CDH18: variants seen among roughly 807,000 people sequenced by gnomAD.
The protein encoded by CDH18 is cadherin 18, also known as cadherin-18.
In CDH18, 31 loss-of-function variants were observed where a neutral mutation model predicts 67.9. The ratio of observed to expected loss-of-function variants is 0.46; its 90% CI spans 0.34 to 0.62. The LOEUF (loss-of-function observed/expected upper bound fraction) is 0.62. Among genes scored for constraint, CDH18 ranks in the 20% least tolerant of loss-of-function variants. The pLI, the probability that CDH18 is intolerant of heterozygous loss-of-function variation, is 0.01. For missense variants in CDH18, 890 were observed against 975.5 expected, an observed-to-expected ratio of 0.91 and a Z score of 1.17; for synonymous variants, 362 against 347.2, an observed-to-expected ratio of 1.04 and a Z score of -0.48.
intron 7 of CDH18, among the ~76,000 whole-genome samples, chr5:19,587,657 T>TC (rs1472262029): frequency 6.6e-6 from 1 of 151,356 alleles, no homozygotes; most frequent in African/African-American, 2.4e-5. Flanking sequence ...TGTGTGTCTT[T>TC]TTTTTTTGTA....
intron 11 of CDH18, among the ~76,000 whole-genome samples, chr5:19,483,853 C>T (rs931368790): frequency 4.6e-5 from 7 of 152,124 alleles, no homozygotes; most frequent in Non-Finnish European, 5.9e-5. Flanking sequence ...TAAAGGGATG[C>T]GGACGGCCTG....
intron 1 of CDH18, among the ~76,000 whole-genome samples, chr5:20,565,722 C>T (rs538322884): frequency 4.0e-4 from 61 of 150,666 alleles, no homozygotes; most frequent in African/African-American, 1.4e-3. Flanking sequence ...TTCCAGTCTT[C>T]CTGAGCCTTT....
At chr5:19,656,007 T>G (rs1432457294) in intron 5 of CDH18, among the ~76,000 whole-genome samples, 1 of 150,384 alleles carries the variant, frequency 6.6e-6, no homozygotes, top group Admixed American at 6.6e-5. Context: ...TTTTTTTTTT[T>G]TTACTGACAG....
intron 1 of CDH18, among the ~76,000 whole-genome samples, chr5:20,372,705 C>A (rs1166060042): frequency 6.6e-6 from 1 of 152,092 alleles, no homozygotes; most frequent in Non-Finnish European, 1.5e-5. Flanking sequence ...TGATAGCAAA[C>A]ATTAGTTGAT....
rs1230772904 is a variant in CDH18, at chr5:20,281,051, GTTGT to G, written c.-579-25550_-579-25547del. On this transcript the variant is annotated intron_variant, in intron 1 of 14. Coordinates refer to the CDH18 transcript ENST00000507958. ...TATCCTTTTCCCACTTTTTGATGGGGTTGTTTGTTTTTTTCTTGTAAATCTGTTT... is the reference window on the plus strand; with the variant it reads ...TATCCTTTTCCCACTTTTTGATGGGGTTGTTTTTTTCTTGTAAATCTGTTT... 4.6e-5 allele frequency among the ~76,000 whole-genome samples: 7 copies of G among 152,246 alleles called. No individual in the cohort carries two copies. In the East Asian group the frequency reaches 5.8e-4, roughly 13 times the overall value.
At chr5:19,732,760 A>G (rs1024969454) in intron 4 of CDH18, among the ~76,000 whole-genome samples, 2 of 152,158 alleles carry the variant, frequency 1.3e-5, no homozygotes, top group Non-Finnish European at 2.9e-5. Flanking sequence ...CAGAATGATT[A>G]GTATATTTCA....
At chr5:19,972,527 A>C (rs897577727) in intron 2 of CDH18, among the ~76,000 whole-genome samples, 2 of 151,800 alleles carry the variant, frequency 1.3e-5, no homozygotes, top group Admixed American at 1.3e-4. Flanking sequence ...ATGAATGTTC[A>C]CTGCATTATT....
chr5:20,136,582 A>G (rs921089585), intron 2 of CDH18, among the ~76,000 whole-genome samples: 2 of 152,134 alleles, frequency 1.3e-5, no homozygotes, highest in African/African-American at 2.4e-5. Context: ...CATTTAGCCC[A>G]TTTACATTTA....
chr5:19,591,020 T>C (rs1020595978), intron 7 of CDH18, 37 bp downstream of exon 7: 10 of 1,339,452 alleles, frequency 7.5e-6, no homozygotes, highest in Non-Finnish European at 1.0e-5. Context: ...AAAAGATGAG[T>C]GAGTTGCCTG....
rs747088799 is a variant in CDH18, at chr5:19,559,924, A to C, written c.1253+11655T>G. On this transcript the variant is annotated intron_variant, in intron 8 of 12. Coordinates refer to ENST00000382275, the MANE Select transcript of CDH18 (RefSeq NM_004934.5). ...CCCTTTATAATAGTTGCAAAAACAA[A>C]CAAAAAAAAAACTCAGGAATATATT... 3.7e-4 allele frequency among the ~76,000 whole-genome samples: 55 copies of C among 148,176 alleles called. 1 individual carries two copies. Among genetic ancestry groups the C allele is most frequent in the Non-Finnish European group, 4.5e-4 (30 of 66,674 alleles).
intron 2 of CDH18, among the ~76,000 whole-genome samples, chr5:19,964,418 A>T (rs966469951): frequency 1.3e-5 from 2 of 149,342 alleles, no homozygotes; most frequent in African/African-American, 4.9e-5. Context: ...CTGTCTCTAC[A>T]GAAAAAAAAA....
chr5:20,209,700 A>G (rs2126368863), intron 2 of CDH18, among the ~76,000 whole-genome samples: 1 of 152,154 alleles, frequency 6.6e-6, no homozygotes, highest in African/African-American at 2.4e-5. Context: ...GATGACAATC[A>G]CTGAAATATA....
At chr5:19,726,112 G>A (rs1418242815) in intron 4 of CDH18, among the ~76,000 whole-genome samples, 3 of 152,146 alleles carry the variant, frequency 2.0e-5, no homozygotes, top group African/African-American at 4.8e-5. Flanking sequence ...TTAGCTTGGG[G>A]TGTCTATAAA....
intron 2 of CDH18, among the ~76,000 whole-genome samples, chr5:19,960,978 G>C (rs570313582): frequency 8.3e-6 from 1 of 120,114 alleles, no homozygotes; most frequent in Non-Finnish European, 2.1e-5. Flanking sequence ...GCTTTTATAA[G>C]ACTGGGAGTG....
intron 5 of CDH18, among the ~76,000 whole-genome samples, chr5:19,669,676 C>A (rs10058266): frequency 0.034 from 5,167 of 152,110 alleles, 281 homozygotes; most frequent in African/African-American, 0.12. Context: ...ATTAATAGAT[C>A]TATCTTTATA....
At chr5:19,584,750 C>A (rs1450757134) in intron 7 of CDH18, among the ~76,000 whole-genome samples, 1 of 135,322 alleles carries the variant, frequency 7.4e-6, no homozygotes. Flanking sequence ...GAGTTAGAGA[C>A]CAGCCAGGGC....
intron 5 of CDH18, among the ~76,000 whole-genome samples, chr5:19,694,898 G>T (rs1459987302): frequency 6.7e-6 from 1 of 149,608 alleles, no homozygotes; most frequent in Non-Finnish European, 1.5e-5. Context: ...GATAAGGTTA[G>T]ATGGCTTAGG....
At chr5:19,893,669 A>G (rs1789006010) in intron 2 of CDH18, among the ~76,000 whole-genome samples, 1 of 152,086 alleles carries the variant, frequency 6.6e-6, no homozygotes, top group Admixed American at 6.6e-5. Flanking sequence ...ACTGTAGGGG[A>G]ACTTCAGTCT....
At chr5:19,703,071 C>T (rs942838102) in intron 5 of CDH18, among the ~76,000 whole-genome samples, 1 of 152,002 alleles carries the variant, frequency 6.6e-6, no homozygotes. Flanking sequence ...GTTCATGGCT[C>T]TCAGCTCTGA....
Sources: allele counts gnomAD v4.1 joint callset (sites outside exome capture counted in the v4.1 genomes callset), GRCh38; gene constraint gnomAD v4.1.1; transcripts MANE v1.5; gene names NCBI Gene and HGNC (gene_info 2026-07-23, HGNC 2026-07-21).